HLA-DPA1: variants seen among roughly 807,000 people sequenced by gnomAD.
HLA-DPA1 encodes the protein HLA class II histocompatibility antigen, DP alpha 1 chain.
Under a neutral mutation model 21.5 loss-of-function variants are expected in HLA-DPA1, and 20 were observed. That is an observed-to-expected ratio of 0.93 (90% CI 0.66 to 1.35). HLA-DPA1 has a LOEUF of 1.35. Ranked by LOEUF, HLA-DPA1 falls within the 40% of genes most tolerant of loss-of-function variation. HLA-DPA1 has a pLI of 0.00. For missense variants in HLA-DPA1, 279 were observed against 323.0 expected, an observed-to-expected ratio of 0.86 and a Z score of 1.05; for synonymous variants, 123 against 129.6, an observed-to-expected ratio of 0.95 and a Z score of 0.35.
chr6:33,078,663 C>T (rs116755889), intron 1 of HLA-DPA1, among the ~76,000 whole-genome samples: 47 of 152,150 alleles, frequency 3.1e-4, no homozygotes, highest in Non-Finnish European at 5.3e-4. Context: ...ACCATAAAAC[C>T]CCTCATTGCT....
intron 4 of HLA-DPA1, 107 bp downstream of exon 3, chr6:33,068,912 C>A: frequency 6.5e-7 from 1 of 1,536,336 alleles, no homozygotes; most frequent in Non-Finnish European, 8.9e-7. Context: ...GATGTTAGGA[C>A]GAGGAGAGGA....
intron 1 of HLA-DPA1, chr6:33,079,875 C>T (rs575627475): frequency 1.4e-5 from 4 of 294,108 alleles, no homozygotes; most frequent in South Asian, 1.2e-4. Flanking sequence ...TTCATGTCCA[C>T]GTTTTGTGTG....
intron 1 of HLA-DPA1, among the ~76,000 whole-genome samples, chr6:33,078,250 G>A (rs1040990945): frequency 1.3e-5 from 2 of 152,172 alleles, no homozygotes; most frequent in Non-Finnish European, 2.9e-5. Flanking sequence ...CCATGTGACA[G>A]GGACTGAGGG....
chr6:33,079,729 C>A, intron 1 of HLA-DPA1: 1 of 510,834 alleles, frequency 2.0e-6, no homozygotes. Context: ...TGATGTGCAA[C>A]AAATCTTACT....
intron 2 of HLA-DPA1, 30 bp downstream of exon 1, chr6:33,073,441 C>A (rs750949934): frequency 6.9e-7 from 1 of 1,451,484 alleles, no homozygotes; most frequent in Non-Finnish European, 9.7e-7. Context: ...TCACTCACCC[C>A]GACGCTCCTG....
At chr6:33,067,381 G>C (rs74818705) in intron 5 of HLA-DPA1, 43,888 of 151,792 alleles carry the variant, frequency 0.29, 8,376 homozygotes, top group East Asian at 0.69. Flanking sequence ...TTAAAAAGAG[G>C]CTGGCACCTC....
rs559112795 is a variant in HLA-DPA1 at position 33,071,796 on chromosome 6, A to C, written c.100+1675T>G. On this transcript the variant is annotated intron_variant, in intron 2 of 5. Transcript: ENST00000419277. ...AATGTAGGCATTCAGAAAACAGGGCAAAAGCCACTTCTCTCAGGGAAGACA... is the reference window on the plus strand; with the variant it reads ...AATGTAGGCATTCAGAAAACAGGGCCAAAGCCACTTCTCTCAGGGAAGACA... Among the ~76,000 whole-genome samples the C allele has an allele frequency of 3.9e-3, 538 of 138,454 alleles. 3 individuals are homozygous for C. In the East Asian group the frequency reaches 0.039, roughly 10 times the overall value. 90.8% of individuals were successfully genotyped at this position (138,454 alleles called of 152,430 possible). A position where few individuals can be genotyped will look rare whatever the true frequency, so the allele number is the denominator to read the frequency against.
chr6:33,066,003 C>A (rs1449260917), intron 5 of HLA-DPA1: 2 of 152,144 alleles, frequency 1.3e-5, no homozygotes, highest in East Asian at 3.8e-4. Context: ...TTACTGAGTT[C>A]TTTTGGTATC....
intron 1 of HLA-DPA1, chr6:33,079,476 A>G (rs1365497401): frequency 6.7e-6 from 2 of 298,138 alleles, no homozygotes; most frequent in South Asian, 3.5e-5. Context: ...CTCCTCATGA[A>G]GGATAAGATC....
exon 5 of HLA-DPA1, chr6:33,068,782 C>A (rs766747418): frequency 8.4e-5 from 136 of 1,612,886 alleles, no homozygotes; most frequent in Non-Finnish European, 1.1e-4. Flanking sequence ...TTGTCTCAGG[C>A]ATCTGGATTG....
intron 1 of HLA-DPA1, chr6:33,076,159 A>G (rs1445639903): frequency 6.5e-7 from 1 of 1,530,786 alleles, no homozygotes; most frequent in Non-Finnish European, 9.0e-7. Flanking sequence ...CCGAACTGCC[A>G]TTCTTGGAGG....
rs777719081 is a variant in HLA-DPA1 at position 33,073,517 on chromosome 6, G to A, written c.54C>T (p.Leu18=). 4 of 1,613,078 alleles carry A rather than the reference G, an allele frequency of 2.5e-6. No individual in the cohort carries two copies. The South Asian group carries it at 4.4e-5, about 18-fold the overall frequency. ...GGAGACTCAGCAGGAAAGCCAAGGA[G>A]AGGGCTCTCAAGATCACAGCTCTGA... Residue 18 remains leucine (L), a synonymous_variant, in exon 2 of 6, where the codon CTC becomes CTT. Coordinates refer to ENST00000419277, the Ensembl canonical transcript of HLA-DPA1.
At chr6:33,075,537 C>G (rs1023384500) in intron 1 of HLA-DPA1, among the ~76,000 whole-genome samples, 4 of 152,118 alleles carry the variant, frequency 2.6e-5, no homozygotes, top group African/African-American at 9.7e-5. Flanking sequence ...AGACTCAGAC[C>G]TCATTTGAGT....
At chr6:33,073,130 C>T (rs1212465502) in intron 2 of HLA-DPA1, among the ~76,000 whole-genome samples, 1 of 152,234 alleles carries the variant, frequency 6.6e-6, no homozygotes, top group African/African-American at 2.4e-5. Flanking sequence ...GGACTTCAAA[C>T]TTGGCTCGTT....
intron 1 of HLA-DPA1, among the ~76,000 whole-genome samples, chr6:33,079,071 A>G (rs1762704384): frequency 6.6e-6 from 1 of 152,248 alleles, no homozygotes; most frequent in South Asian, 2.1e-4. Flanking sequence ...GGTGGACTCC[A>G]TGGTGCCCTT....
chr6:33,076,863 T>TA (rs771758681), intron 1 of HLA-DPA1, among the ~76,000 whole-genome samples: 1 of 152,060 alleles, frequency 6.6e-6, no homozygotes, highest in Non-Finnish European at 1.5e-5. Flanking sequence ...GTGGCTGGTG[T>TA]AATATTATGG....
At chr6:33,073,513 A>G (rs747858970) in exon 2 of HLA-DPA1, 14 of 1,613,070 alleles carry the variant, frequency 8.7e-6, no homozygotes, top group Non-Finnish European at 1.2e-5. Context: ...AGGAAAGCCA[A>G]GGAGAGGGCT....
chr6:33,078,345 A>G (rs914761974), intron 1 of HLA-DPA1, among the ~76,000 whole-genome samples: 2 of 152,138 alleles, frequency 1.3e-5, no homozygotes, highest in Non-Finnish European at 2.9e-5. Context: ...GAGTGGGTAA[A>G]GTGGGCAGGG....
intron 1 of HLA-DPA1, chr6:33,079,696 C>A: frequency 2.0e-6 from 1 of 503,590 alleles, no homozygotes; most frequent in South Asian, 1.4e-5. Flanking sequence ...TGGTCCACAG[C>A]CTCAAGGAGC....
Sources: gnomAD v4.1 joint callset for allele counts (sites outside exome capture counted in the v4.1 genomes callset) on GRCh38, gnomAD v4.1.1 for gene constraint, MANE v1.5 for transcripts, NCBI Gene and HGNC (gene_info 2026-07-23, HGNC 2026-07-21) for gene names.